The following TRABD2A variants were observed in gnomAD, a reference collection of about 807,000 sequenced individuals.
TRABD2A encodes the protein TraB domain containing 2A.
A neutral mutation model predicts 45.6 loss-of-function variants in TRABD2A; 43 were observed. That is an observed-to-expected ratio of 0.94 (90% CI 0.74 to 1.22). The LOEUF (loss-of-function observed/expected upper bound fraction) is 1.22. Ranked by LOEUF, TRABD2A falls within the 50% of genes most tolerant of loss-of-function variation. The pLI is 0.00. For missense variants in TRABD2A, 642 were observed against 652.4 expected (o/e 0.98, Z 0.17); for synonymous variants, 269 against 265.0 (o/e 1.02, Z -0.15).
At chr2:84,878,810 C>G (rs772663514) in intron 1 of TRABD2A, among the ~76,000 whole-genome samples, 39 of 152,314 alleles carry the variant, frequency 2.6e-4, no homozygotes, top group Middle Eastern at 6.8e-3. Flanking sequence ...ACTGAGGAAC[C>G]CAACCACAAT....
At position 84,870,478 on chromosome 2, in the gene TRABD2A, G is replaced by T. The variant is rs1297475504; in HGVS notation, c.416C>A (p.Thr139Asn). ...GAGCCCCTTGCCGCGCTGGTCTGGG[G>T]TCATCCACAAGGGCATCATGAGCTT... ...YVKLMMPLWM[T>N]PDQRGKGLYA... The change falls in exon 2 of 7, where the codon ACC (threonine) becomes AAC (asparagine). Residue 139 changes from threonine to asparagine, a missense_variant. Coordinates refer to ENST00000409520, the MANE Select transcript of TRABD2A (RefSeq NM_001277053.2). The T allele has an allele frequency of 6.2e-7, 1 of 1,613,928 alleles. No homozygotes were observed. Among genetic ancestry groups the T allele is most frequent in the Admixed American group, 1.7e-5 (1 of 60,010 alleles).
In TRABD2A at chr2:84,879,812, C is replaced by T. The variant is rs1014457785; in HGVS notation, c.108+1120G>A. 2.0e-5 allele frequency among the ~76,000 whole-genome samples: 3 copies of T among 152,340 alleles called. No homozygotes were observed. In the South Asian group the frequency reaches 6.2e-4, roughly 32 times the overall value. On this transcript the variant is annotated intron_variant, in intron 1 of 6. Coordinates refer to ENST00000409520, the MANE Select transcript of TRABD2A (RefSeq NM_001277053.2). ...CCGCGACGCCTTACAGAGGCGAACA[C>T]CGTGCGTCTTCCCAGCCCGGAGCTC... is the stretch of plus-strand genomic sequence containing the variant.
At chr2:84,855,980 C>A (rs182879953) in intron 2 of TRABD2A, among the ~76,000 whole-genome samples, 1 of 152,164 alleles carries the variant, frequency 6.6e-6, no homozygotes, top group Non-Finnish European at 1.5e-5. Flanking sequence ...GCCCATTACG[C>A]GGCTCACAGT....
intron 2 of TRABD2A, 128 bp from the exon 3 acceptor site, chr2:84,842,135 T>C (rs552184799): frequency 5.1e-6 from 5 of 987,664 alleles, no homozygotes; most frequent in Middle Eastern, 2.9e-4. Context: ...TAGTGCTACT[T>C]AAAAAAGGGA....
intron 2 of TRABD2A, among the ~76,000 whole-genome samples, chr2:84,869,255 A>T (rs535499657): frequency 6.6e-6 from 1 of 152,228 alleles, no homozygotes; most frequent in Non-Finnish European, 1.5e-5. Flanking sequence ...ACGTGACCCA[A>T]TGAGAACATT....
chr2:84,846,621 A>G (rs1213574193), intron 2 of TRABD2A, among the ~76,000 whole-genome samples: 2 of 152,232 alleles, frequency 1.3e-5, no homozygotes, highest in Non-Finnish European at 2.9e-5. Context: ...GGAAGGCTCC[A>G]TGATGAGCCT....
At chr2:84,866,641 T>C (rs946175693) in intron 2 of TRABD2A, among the ~76,000 whole-genome samples, 4 of 152,052 alleles carry the variant, frequency 2.6e-5, no homozygotes, top group African/African-American at 9.7e-5. Flanking sequence ...TTCACTCCCT[T>C]CTGCTTATAT....
chr2:84,859,405 C>T lies in TRABD2A; in HGVS notation c.669+10820G>A, dbSNP rs555549666. Among the ~76,000 whole-genome samples, 4 of 152,316 alleles carry T rather than the reference C, an allele frequency of 2.6e-5. No homozygotes were observed. In the South Asian group the frequency reaches 8.3e-4, roughly 32 times the overall value. Reference sequence around the variant, plus strand: ...AAAAAAAGTGGGGGTAAATCAAGATCCTTGCTCTCTAGAAGTTTATGTGCC... The same window carrying T: ...AAAAAAAGTGGGGGTAAATCAAGATTCTTGCTCTCTAGAAGTTTATGTGCC... On this transcript the variant is annotated intron_variant, in intron 2 of 6. Transcript: ENST00000409520.
At chr2:84,842,952 C>T (rs368212917) in intron 2 of TRABD2A, among the ~76,000 whole-genome samples, 1 of 151,560 alleles carries the variant, frequency 6.6e-6, no homozygotes, top group East Asian at 2.0e-4. Flanking sequence ...CCCTATCTCT[C>T]CAGCTCTGAC....
intron 3 of TRABD2A, among the ~76,000 whole-genome samples, chr2:84,840,451 C>G (rs1484204283): frequency 6.6e-6 from 1 of 152,190 alleles, no homozygotes; most frequent in Non-Finnish European, 1.5e-5. Context: ...AAACATCACC[C>G]AAAGCCTGCA....
chr2:84,877,184 T>C (rs1347762094), intron 1 of TRABD2A, among the ~76,000 whole-genome samples: 1 of 152,060 alleles, frequency 6.6e-6, no homozygotes, highest in Non-Finnish European at 1.5e-5. Context: ...GACTCTTCTT[T>C]ACCTTACTTT....
chr2:84,855,041 C>T (rs2105394185), intron 2 of TRABD2A, among the ~76,000 whole-genome samples: 1 of 152,180 alleles, frequency 6.6e-6, no homozygotes, highest in Non-Finnish European at 1.5e-5. Flanking sequence ...CCTCCCTCCC[C>T]AAGCCATGCC....
intron 2 of TRABD2A, among the ~76,000 whole-genome samples, chr2:84,854,665 C>T (rs764614425): frequency 2.0e-5 from 3 of 152,164 alleles, no homozygotes; most frequent in African/African-American, 4.8e-5. Context: ...CTAAAGCCAA[C>T]CTCTCCTCAG....
rs1439223480 is a variant in TRABD2A, at chr2:84,870,539, T to C, written c.355A>G (p.Ile119Val). 1 of 1,614,016 alleles carries C rather than the reference T, an allele frequency of 6.2e-7. No individual in the cohort carries two copies. Residue 119 changes from isoleucine to valine, a missense_variant, in exon 2 of 7, where the codon ATC becomes GTC. Physicochemically the swap from Ile to Val is conservative, Grantham distance 29. Transcript: ENST00000409520. The stretch of plus-strand genomic sequence containing the variant: ...AGGTGGCGCTTGAGGCGGCAGTAGA[T>C]GTCCCTGGGGAGCACATCTTGGAGG... Reference protein sequence around the residue: ...ENLQDVLPRDIYCRLKRHLEY... With the variant: ...ENLQDVLPRDVYCRLKRHLEY...
chr2:84,876,413 A>G (rs995213219), intron 1 of TRABD2A, among the ~76,000 whole-genome samples: 3 of 152,256 alleles, frequency 2.0e-5, no homozygotes, highest in Admixed American at 6.5e-5. Context: ...TGGGAAAATC[A>G]GAAGAGTAGG....
intron 5 of TRABD2A, among the ~76,000 whole-genome samples, chr2:84,827,585 C>G (rs561739150): frequency 6.6e-6 from 1 of 152,306 alleles, no homozygotes; most frequent in Admixed American, 6.5e-5. Context: ...GGACATCTGC[C>G]AGATCCCCAA....
At chr2:84,829,604 CCACA>C (rs1681259963) in intron 5 of TRABD2A, among the ~76,000 whole-genome samples, 1 of 138,092 alleles carries the variant, frequency 7.2e-6, no homozygotes, top group Admixed American at 7.1e-5. Flanking sequence ...AACACACGTA[CCACA>C]CACACCACAA....
At position 84,880,997 on chromosome 2, in the gene TRABD2A, G is replaced by A; in HGVS notation, c.43C>T (p.Leu15=). 5 of 1,605,884 alleles carry A rather than the reference G, an allele frequency of 3.1e-6. No homozygotes were observed. Among genetic ancestry groups the A allele is most frequent in the Non-Finnish European group, 4.2e-6 (5 of 1,176,966 alleles). ...SWFLLQTLCL[L]PTGAASRRGA... is the part of the protein sequence containing the mutation. The stretch of plus-strand genomic sequence containing the variant: ...CGCCGCGAAGCTGCGCCCGTGGGCA[G>A]GAGGCAGAGGGTCTGCAGCAGGAAC... The change falls in exon 1 of 7, where the codon CTG becomes TTG. Residue 15 remains leucine, a synonymous_variant. Transcript: ENST00000409520.
intron 1 of TRABD2A, 139 bp from the exon 2 acceptor site, chr2:84,870,924 C>T: frequency 2.3e-6 from 2 of 858,154 alleles, no homozygotes; most frequent in East Asian, 2.7e-5. Context: ...CGTGTAGATT[C>T]ACCTGCCAGG....
Sources: gnomAD v4.1 joint callset for allele counts (sites outside exome capture counted in the v4.1 genomes callset) on GRCh38, gnomAD v4.1.1 for gene constraint, MANE v1.5 for transcripts, NCBI Gene and HGNC (gene_info 2026-07-23, HGNC 2026-07-21) for gene names.